POLR1A: variants seen among roughly 807,000 people sequenced by gnomAD.
POLR1A encodes the protein DNA-directed RNA polymerase I subunit RPA1.
POLR1A carries 84 observed loss-of-function variants against 205.3 expected under a neutral mutation model. That is an observed-to-expected ratio of 0.41 (90% CI 0.34 to 0.49). The LOEUF (loss-of-function observed/expected upper bound fraction) is 0.49. POLR1A is among the 20% of genes least tolerant of loss of function. The pLI is 0.22. For synonymous variants in POLR1A, 799 were observed against 863.7 expected, an observed-to-expected ratio of 0.93 and a Z score of 1.31; for missense variants, 1,645 against 2,204.5, an observed-to-expected ratio of 0.75 and a Z score of 5.08.
intron 15 of POLR1A, among the ~76,000 whole-genome samples, chr2:86,053,586 C>G (rs1672844857): frequency 6.6e-6 from 1 of 152,188 alleles, no homozygotes; most frequent in African/African-American, 2.4e-5. Flanking sequence ...ATGTAGCACC[C>G]ATGAAGCATA....
intron 28 of POLR1A, among the ~76,000 whole-genome samples, 184 bp from the exon 29 acceptor site, chr2:86,032,566 C>T (rs1401743255): frequency 3.3e-5 from 5 of 152,060 alleles, no homozygotes; most frequent in African/African-American, 1.2e-4. Context: ...TCTACTCTGT[C>T]CAGTCCCAGA....
intron 3 of POLR1A, among the ~76,000 whole-genome samples, chr2:86,093,128 T>C (rs186240367): frequency 6.6e-6 from 1 of 152,316 alleles, no homozygotes; most frequent in East Asian, 1.9e-4. Flanking sequence ...TCAGTATATA[T>C]TGAAAAGGTA....
At position 86,089,931 on chromosome 2, in the gene POLR1A, TGGAAAACAAAGA is replaced by T; in HGVS notation, c.433-14_433-3del. 2.0e-6 allele frequency: 3 copies of T among 1,511,400 alleles called. No homozygotes were observed. Among genetic ancestry groups the T allele is most frequent in the Non-Finnish European group, 2.8e-6 (3 of 1,085,444 alleles). The allele number at this position is 1,511,400 out of a possible 1,614,324, so 93.6% of individuals were successfully genotyped here. ...GGGATCGGGATTTTCTTCCAGAAAC[TGGAAAACAAAGA>T]GGAAAACTCCATTATCACAGTAATG... On this transcript the variant is annotated splice_region_variant and splice_polypyrimidine_tract_variant and intron_variant, in intron 3 of 33. Coordinates refer to ENST00000263857, the MANE Select transcript of POLR1A (RefSeq NM_015425.6).
At chr2:86,099,947 C>G (rs1195748407) in intron 2 of POLR1A, 21 bp downstream of exon 2, 2 of 1,607,042 alleles carry the variant, frequency 1.2e-6, no homozygotes, top group South Asian at 1.1e-5. Context: ...CGGAGACCCA[C>G]ACAACTAAGG....
At chr2:86,044,583 G>T (rs536520077) in intron 21 of POLR1A, among the ~76,000 whole-genome samples, 1 of 152,246 alleles carries the variant, frequency 6.6e-6, no homozygotes, top group Admixed American at 6.5e-5. Context: ...CTCCCATCTA[G>T]CCCCAGCTGC....
At chr2:86,099,291 A>G (rs1673768090) in intron 2 of POLR1A, among the ~76,000 whole-genome samples, 1 of 150,100 alleles carries the variant, frequency 6.7e-6, no homozygotes, top group Non-Finnish European at 1.5e-5. Context: ...CAGGAGGCAG[A>G]GGTTACAGTG....
chr2:86,050,406 T>C (rs532388366), intron 16 of POLR1A, among the ~76,000 whole-genome samples: 2 of 152,328 alleles, frequency 1.3e-5, no homozygotes, highest in African/African-American at 2.4e-5. Flanking sequence ...ACAGTTCCTC[T>C]GTAAGCAGGC....
chr2:86,036,239 G>A (rs1160139783), intron 27 of POLR1A, among the ~76,000 whole-genome samples: 2 of 152,194 alleles, frequency 1.3e-5, no homozygotes, highest in African/African-American at 4.8e-5. Flanking sequence ...TTTCATGGCT[G>A]GGGACCGGAG....
In POLR1A at chr2:86,028,534, G is replaced by T; in HGVS notation, c.4897+60C>A. On this transcript the variant is annotated intron_variant, in intron 32 of 33. Transcript: ENST00000263857. The surrounding 1 kb of genome is among the most constrained non-coding windows in gnomAD (Gnocchi z 4.5). ...GACACGGTCCTGACCCTCCTGCCGA[G>T]CCTTCTGGTGTCCTGGCTGGTGCCC... 8.2e-7 allele frequency: 1 copy of T among 1,226,442 alleles called. No homozygotes were observed. The highest frequency in any genetic ancestry group is 1.2e-6 in the Non-Finnish European group (1 of 826,710). The allele number at this position is 1,226,442 out of a possible 1,614,324, so 76.0% of individuals were successfully genotyped here. A position where few individuals can be genotyped will look rare whatever the true frequency, so the allele number is the denominator to read the frequency against.
At chr2:86,056,030 T>TAA (rs1672890402) in intron 14 of POLR1A, among the ~76,000 whole-genome samples, 1 of 152,186 alleles carries the variant, frequency 6.6e-6, no homozygotes, top group African/African-American at 2.4e-5. Flanking sequence ...AGAAAACCCT[T>TAA]AAGTGCCAAC....
chr2:86,094,777 C>T (rs1418837349), intron 3 of POLR1A, among the ~76,000 whole-genome samples: 1 of 152,124 alleles, frequency 6.6e-6, no homozygotes, highest in Non-Finnish European at 1.5e-5. Context: ...CAATTAAGTA[C>T]TTATTCATCA....
In POLR1A at chr2:86,070,298, G is replaced by T; in HGVS notation, c.1612-26C>A. 1 of 1,587,154 alleles carries T rather than the reference G, an allele frequency of 6.3e-7. No homozygotes were observed. The highest frequency in any genetic ancestry group is 1.2e-5 in the South Asian group (1 of 86,018). On this transcript the variant is annotated intron_variant, in intron 12 of 33. Transcript: ENST00000263857. This position sits in a 1 kb window ranked among gnomAD's most constrained non-coding sequence, Gnocchi z 4.4. Reference sequence around the variant, plus strand: ...CTGGGAACAGAGTGGACAGGTGGGTGATCAGTGCAAACGTCAGTATCACCA... The same window carrying T: ...CTGGGAACAGAGTGGACAGGTGGGTTATCAGTGCAAACGTCAGTATCACCA...
chr2:86,040,325 A>G, intron 25 of POLR1A, 67 bp downstream of exon 25: 1 of 1,302,742 alleles, frequency 7.7e-7, no homozygotes, highest in Non-Finnish European at 1.0e-6. Flanking sequence ...ACCCCCTCTC[A>G]TTAAATGGCC....
intron 14 of POLR1A, among the ~76,000 whole-genome samples, chr2:86,064,688 C>G (rs1673055498): frequency 6.6e-6 from 1 of 152,148 alleles, no homozygotes; most frequent in South Asian, 2.1e-4. Context: ...CTGCCTATTA[C>G]CACCATATTT....
chr2:86,085,868 C>T (rs1673495837), intron 6 of POLR1A, among the ~76,000 whole-genome samples: 1 of 152,196 alleles, frequency 6.6e-6, no homozygotes, highest in African/African-American at 2.4e-5. Flanking sequence ...GTCAAATAAC[C>T]TGGGATCACA....
intron 25 of POLR1A, 198 bp downstream of exon 25, chr2:86,040,194 A>C: frequency 2.3e-6 from 1 of 441,110 alleles, no homozygotes. Flanking sequence ...TGGAGATCCT[A>C]CCAGGCCTGG....
intron 14 of POLR1A, among the ~76,000 whole-genome samples, chr2:86,062,201 T>C (rs1673010278): frequency 6.6e-6 from 1 of 152,196 alleles, no homozygotes; most frequent in Non-Finnish European, 1.5e-5. Flanking sequence ...TTGTGTAGTG[T>C]AGTCACTCTT....
At chr2:86,081,021 A>T in intron 8 of POLR1A, 43 bp from the exon 9 acceptor site, 1 of 1,563,382 alleles carries the variant, frequency 6.4e-7, no homozygotes, top group South Asian at 1.2e-5. Flanking sequence ...TAGTGTGAGG[A>T]AAGGGTCATG....
intron 3 of POLR1A, among the ~76,000 whole-genome samples, chr2:86,091,346 C>T (rs1484446430): frequency 2.0e-5 from 3 of 152,134 alleles, no homozygotes; most frequent in Non-Finnish European, 4.4e-5. Flanking sequence ...CTCTTTAACT[C>T]CTGGGCCCAA....
Sources: gnomAD v4.1 joint callset for allele counts (sites outside exome capture counted in the v4.1 genomes callset) on GRCh38, gnomAD v4.1.1 for gene constraint, Gnocchi (gnomAD v3.1) non-coding constraint, MANE v1.5 for transcripts, NCBI Gene and HGNC (gene_info 2026-07-23, HGNC 2026-07-21) for gene names.